Variants in ARPC2 observed in about 807,000 individuals in gnomAD.
The protein encoded by ARPC2 is actin-related protein 2/3 complex subunit 2.
In ARPC2, 4 loss-of-function variants were observed where a neutral mutation model predicts 38.6. The ratio of observed to expected loss-of-function variants is 0.10; its 90% confidence interval spans 0.05 to 0.24. ARPC2 has a LOEUF of 0.24. Ranked by LOEUF, ARPC2 falls within the 10% of genes least tolerant of loss-of-function variation. The probability of loss-of-function intolerance (pLI) is 1.00; values close to 1 mark genes in which losing one functional copy is unlikely to be tolerated. For missense variants in ARPC2, 229 were observed against 387.3 expected, an observed-to-expected ratio of 0.59 and a Z score of 3.43; for synonymous variants, 125 against 140.8, an observed-to-expected ratio of 0.89 and a Z score of 0.79.
intron 6 of ARPC2, chr2:218,239,153 A>G (rs1458264394): frequency 3.4e-6 from 2 of 582,356 alleles, no homozygotes; most frequent in South Asian, 2.2e-5. Context: ...CCATAGGTCC[A>G]TGTTATATTT....
intron 10 of ARPC2, 85 bp downstream of exon 10, chr2:218,250,006 A>T (rs1278580206): frequency 1.3e-5 from 16 of 1,203,358 alleles, no homozygotes; most frequent in Non-Finnish European, 1.8e-5. Context: ...CTGGTCCTCC[A>T]TGTATCTGGG....
Position 218,234,416 on chromosome 2 carries a change from A to C in ARPC2, c.268+19A>C. 1 of 1,579,676 alleles carries C rather than the reference A, an allele frequency of 6.3e-7. No homozygotes were observed. Among genetic ancestry groups the C allele is most frequent in the Non-Finnish European group, 8.7e-7 (1 of 1,153,372 alleles). On this transcript the variant is annotated intron_variant, in intron 5 of 10. Transcript: ENST00000315717. ...GAATCAGGTATGTAGTCATGTGAGC[A>C]ACTATGGAATGACATGGGAAGAGAG...
intron 2 of ARPC2, among the ~76,000 whole-genome samples, chr2:218,219,466 C>T (rs1015059933): frequency 1.3e-5 from 2 of 151,882 alleles, no homozygotes; most frequent in East Asian, 3.9e-4. Flanking sequence ...TCTCATGTCT[C>T]GGCTTCCCAA....
intron 4 of ARPC2, among the ~76,000 whole-genome samples, chr2:218,230,283 TTTTC>T (rs1259055325): frequency 7.1e-6 from 1 of 140,560 alleles, no homozygotes; most frequent in African/African-American, 2.8e-5. Flanking sequence ...TTTCTTTTTT[TTTTC>T]TTTTTTTTTT....
At chr2:218,222,631 GAATTACCGC>G (rs1036795614) in intron 2 of ARPC2, among the ~76,000 whole-genome samples, 12 of 152,230 alleles carry the variant, frequency 7.9e-5, no homozygotes, top group African/African-American at 2.6e-4. Flanking sequence ...CTGATTCAGG[GAATTACCGC>G]AATCCTAAAA....
At position 218,249,612 on chromosome 2, in the gene ARPC2, C is replaced by G. The variant is rs540585144; in HGVS notation, c.777+148C>G. ...GAGGCTTCAAGAAACCATGGTCTTT[C>G]TTCATCAAGCCACTGTCCCCCATCC... On this transcript the variant is annotated intron_variant, in intron 9 of 10. Coordinates refer to ENST00000315717, the MANE Select transcript of ARPC2 (RefSeq NM_152862.3). 38 of 764,836 alleles carry G rather than the reference C, an allele frequency of 5.0e-5. 1 individual carries two copies. The South Asian group carries it at 6.8e-4, about 14-fold the overall frequency. 47.4% of individuals were successfully genotyped at this position (764,836 alleles called of 1,614,324 possible).
chr2:218,234,139 G>A (rs570043069), intron 4 of ARPC2: 1 of 461,100 alleles, frequency 2.2e-6, no homozygotes, highest in Non-Finnish European at 3.8e-6. Context: ...ATTGCACTCT[G>A]TCCCAGGCAT....
chr2:218,217,570 T>C (rs1574571274), intron 2 of ARPC2, 26 bp downstream of exon 2: 2 of 1,597,766 alleles, frequency 1.3e-6, no homozygotes, highest in African/African-American at 1.3e-5. Flanking sequence ...GGGCCGGGGG[T>C]GGCGGGGGAA....
intron 4 of ARPC2, chr2:218,234,010 C>CA (rs920505135): frequency 2.7e-4 from 45 of 166,354 alleles, no homozygotes; most frequent in East Asian, 7.0e-4. Flanking sequence ...ACTAAAAATA[C>CA]AAAAAAAAAT....
intron 1 of ARPC2, 96 bp downstream of exon 1, chr2:218,217,350 C>A: frequency 1.1e-6 from 1 of 938,936 alleles, no homozygotes; most frequent in South Asian, 1.4e-5. Flanking sequence ...CCCCTTCTCC[C>A]CTAACCTCCT....
chr2:218,221,863 T>C (rs1327887462), intron 2 of ARPC2, among the ~76,000 whole-genome samples: 1 of 152,224 alleles, frequency 6.6e-6, no homozygotes, highest in Non-Finnish European at 1.5e-5. Flanking sequence ...GGGAGCTTTA[T>C]AGAAGATTTA....
chr2:218,226,705 G>A (rs1258307711), intron 3 of ARPC2, among the ~76,000 whole-genome samples: 1 of 146,504 alleles, frequency 6.8e-6, no homozygotes, highest in African/African-American at 2.5e-5. Flanking sequence ...CTTTATAATA[G>A]ATGACCATTT....
chr2:218,227,332 A>G (rs1465847835), intron 3 of ARPC2, among the ~76,000 whole-genome samples: 6 of 152,246 alleles, frequency 3.9e-5, no homozygotes, highest in East Asian at 1.9e-4. Context: ...ACCAAATGCA[A>G]TGTGTGGATA....
chr2:218,229,295 C>G (rs999640340), intron 4 of ARPC2: 1 of 153,454 alleles, frequency 6.5e-6, no homozygotes, highest in Non-Finnish European at 1.5e-5. Context: ...CTTTAAATAT[C>G]TCTTCTTTAT....
At chr2:218,224,626 C>T (rs1197617176) in intron 2 of ARPC2, among the ~76,000 whole-genome samples, 1 of 152,192 alleles carries the variant, frequency 6.6e-6, no homozygotes, top group African/African-American at 2.4e-5. Flanking sequence ...CTATTCTGAA[C>T]TCTCTGCTTC....
rs200348029 is a variant in ARPC2 at position 218,234,320 on chromosome 2, G to A, written c.223-32G>A. On this transcript the variant is annotated intron_variant, in intron 4 of 10. Coordinates refer to ENST00000315717, the MANE Select transcript of ARPC2 (RefSeq NM_152862.3). The stretch of plus-strand genomic sequence containing the variant: ...AAATTATCATGGCCTTTGGATTAAC[G>A]TATTTGGTTTTGTTTTGTTTTTATT... The A allele has an allele frequency of 1.4e-4, 215 of 1,512,044 alleles. No homozygotes were observed. The African/African-American group carries it at 2.5e-3, about 18-fold the overall frequency. 93.7% of individuals were successfully genotyped at this position (1,512,044 alleles called of 1,614,324 possible).
At chr2:218,231,273 A>C (rs1278126973) in intron 4 of ARPC2, among the ~76,000 whole-genome samples, 1 of 152,214 alleles carries the variant, frequency 6.6e-6, no homozygotes, top group Non-Finnish European at 1.5e-5. Flanking sequence ...CATGGTTAAA[A>C]GTGCAAGTGA....
chr2:218,227,090 A>T, intron 3 of ARPC2: 1 of 452,202 alleles, frequency 2.2e-6, no homozygotes, highest in East Asian at 7.0e-5. Context: ...AAGTGCTGTT[A>T]CCTGGAGGCC....
chr2:218,227,485 G>A lies in ARPC2; in HGVS notation c.110-1253G>A, dbSNP rs906780626. The stretch of plus-strand genomic sequence containing the variant: ...GTCACCCAGGCTGGAGTGCAGTGGC[G>A]TTGATAATCTGCTCACTGCCGCCTC... On this transcript the variant is annotated intron_variant, in intron 3 of 10. Transcript: ENST00000315717. Among the ~76,000 whole-genome samples, 6 of 151,504 alleles carry A rather than the reference G, an allele frequency of 4.0e-5. 1 individual carries two copies. Among genetic ancestry groups the A allele is most frequent in the Non-Finnish European group, 5.9e-5 (4 of 67,868 alleles).
Sources: gnomAD v4.1 joint callset for allele counts (sites outside exome capture counted in the v4.1 genomes callset) on GRCh38, gnomAD v4.1.1 for gene constraint, MANE v1.5 for transcripts, NCBI Gene and HGNC (gene_info 2026-07-23, HGNC 2026-07-21) for gene names.